The following SFXN5 variants were observed in gnomAD, a reference collection of about 807,000 sequenced individuals.
SFXN5 encodes the protein sideroflexin-5.
A neutral mutation model predicts 50.2 loss-of-function variants in SFXN5; 43 were observed. The observed-to-expected ratio is 0.86, with a 90% CI of 0.67 to 1.11. The LOEUF (loss-of-function observed/expected upper bound fraction) is 1.11, where lower values mean the gene tolerates loss of function less well. SFXN5 is among the 50% of genes least tolerant of loss of function. The pLI, the probability that SFXN5 is intolerant of heterozygous loss-of-function variation, is 0.00. For synonymous variants in SFXN5, 203 were observed against 185.8 expected (o/e 1.09, Z -0.75); for missense variants, 463 against 454.1 (o/e 1.02, Z -0.18).
At chr2:72,993,862 C>G (rs1436599625) in intron 9 of SFXN5, among the ~76,000 whole-genome samples, 1 of 152,160 alleles carries the variant, frequency 6.6e-6, no homozygotes, top group East Asian at 1.9e-4. Flanking sequence ...GGGCCAGGGA[C>G]AAATATATGC....
intron 9 of SFXN5, among the ~76,000 whole-genome samples, chr2:72,990,894 G>C (rs1008479426): frequency 6.6e-6 from 1 of 152,184 alleles, no homozygotes; most frequent in East Asian, 1.9e-4. Context: ...GGGTCCTAAC[G>C]AGTGGAAAAC....
chr2:73,003,089 C>G (rs575913227), intron 6 of SFXN5, among the ~76,000 whole-genome samples: 5 of 152,070 alleles, frequency 3.3e-5, no homozygotes, highest in Admixed American at 3.3e-4. Flanking sequence ...GTAGTTGGGG[C>G]CCCCAGTTAG....
At chr2:73,038,205 T>C (rs1441908389) in intron 3 of SFXN5, among the ~76,000 whole-genome samples, 1 of 152,266 alleles carries the variant, frequency 6.6e-6, no homozygotes, top group Non-Finnish European at 1.5e-5. Flanking sequence ...AGTATGTTAC[T>C]GTACTGAATA....
At chr2:72,994,026 G>C (rs1375334357) in intron 9 of SFXN5, among the ~76,000 whole-genome samples, 1 of 152,164 alleles carries the variant, frequency 6.6e-6, no homozygotes, top group African/African-American at 2.4e-5. Context: ...TGTCTGCCAG[G>C]AGGCGGCACG....
chr2:73,033,997 A>C (rs1436987858), intron 3 of SFXN5, among the ~76,000 whole-genome samples: 1 of 152,218 alleles, frequency 6.6e-6, no homozygotes, highest in Non-Finnish European at 1.5e-5. Context: ...GCCAAGTCTG[A>C]GAAACCCTGG....
intron 9 of SFXN5, among the ~76,000 whole-genome samples, chr2:72,990,082 A>ACAGCC (rs1327255958): frequency 6.6e-6 from 1 of 152,236 alleles, no homozygotes; most frequent in East Asian, 1.9e-4. Context: ...CAAGGCAGAA[A>ACAGCC]CAGCCCAGCC....
chr2:72,963,723 T>A (rs1674035662), intron 12 of SFXN5, among the ~76,000 whole-genome samples: 1 of 152,166 alleles, frequency 6.6e-6, no homozygotes, highest in African/African-American at 2.4e-5. Context: ...CCCAGCCTGG[T>A]GCCCCTGCTG....
intron 12 of SFXN5, among the ~76,000 whole-genome samples, chr2:72,963,673 C>A (rs775035766): frequency 6.6e-6 from 1 of 152,100 alleles, no homozygotes; most frequent in South Asian, 2.1e-4. Context: ...GCTGGGGGAG[C>A]GGACTCAGGG....
rs10582006 is a variant in SFXN5 at position 72,981,965 on chromosome 2, T to TTGTGTGTGTG, written c.625+6283_625+6292dup. ...CTTTATTGCCCTTATCACTGGAACT[T>TTGTGTGTGTG]TGTGTGTGTGTGTGTGTGTGTGTGT... On this transcript the variant is annotated intron_variant, in intron 10 of 13. Coordinates refer to ENST00000272433, the MANE Select transcript of SFXN5 (RefSeq NM_144579.3). Among the ~76,000 whole-genome samples the TTGTGTGTGTG allele has an allele frequency of 5.3e-3, 774 of 145,704 alleles. 2 individuals carry two copies. The highest frequency in any genetic ancestry group is 8.4e-3 in the African/African-American group (335 of 39,690).
intron 13 of SFXN5, among the ~76,000 whole-genome samples, chr2:72,954,486 A>G (rs951487489): frequency 9.9e-5 from 15 of 152,280 alleles, no homozygotes; most frequent in African/African-American, 3.6e-4. Context: ...CCTCCTGGCC[A>G]GTGAACCTCA....
chr2:73,001,649 C>T (rs1166306979), intron 6 of SFXN5, 71 bp from the exon 7 acceptor site: 58 of 1,444,928 alleles, frequency 4.0e-5, no homozygotes, highest in Non-Finnish European at 5.4e-5. Context: ...AGAAAAAATA[C>T]GCTACCACAA....
At chr2:73,067,452 T>G (rs1247344009) in intron 1 of SFXN5, among the ~76,000 whole-genome samples, 1 of 152,218 alleles carries the variant, frequency 6.6e-6, no homozygotes, top group East Asian at 1.9e-4. Flanking sequence ...CAATGTTAGT[T>G]TCTTAGTTTT....
intron 3 of SFXN5, among the ~76,000 whole-genome samples, chr2:73,024,514 C>T (rs1422825391): frequency 3.3e-5 from 5 of 152,108 alleles, no homozygotes; most frequent in Non-Finnish European, 7.4e-5. Flanking sequence ...ATTAGCAGGG[C>T]GTGGTGGAAT....
chr2:73,015,128 T>G (rs1675989662), intron 6 of SFXN5, among the ~76,000 whole-genome samples: 2 of 152,234 alleles, frequency 1.3e-5, no homozygotes, highest in Non-Finnish European at 2.9e-5. Context: ...GAAAGTTCCT[T>G]CTAGACCTAA....
chr2:73,043,855 C>A (rs1408078598), intron 2 of SFXN5, among the ~76,000 whole-genome samples: 1 of 152,172 alleles, frequency 6.6e-6, no homozygotes, highest in Non-Finnish European at 1.5e-5. Context: ...ACATAATACG[C>A]TTATCTACAA....
rs112056341 is a variant in SFXN5 at position 72,994,808 on chromosome 2, C to T, written c.534+4141G>A. On this transcript the variant is annotated intron_variant, in intron 9 of 13. Transcript: ENST00000272433. ...CACTCATGGCACCTCTTGACTGGCC[C>T]TGATCCTCCTCCACTCACGATCACC... 514 of 152,664 alleles carry T rather than the reference C, an allele frequency of 3.4e-3. 6 individuals are homozygous for T. Among genetic ancestry groups the T allele is most frequent in the African/African-American group, 9.9e-3 (411 of 41,522 alleles). 9.5% of individuals were successfully genotyped at this position (152,664 alleles called of 1,614,324 possible).
Position 72,992,197 on chromosome 2 carries a change from G to A in SFXN5, c.535-3849C>T, listed in dbSNP as rs1390021508. ...CTGACAGGAGACCAGGGGAAAAGGA[G>A]GGAAGGCCGGCTTCCTGATAGTCCC... On this transcript the variant is annotated intron_variant, in intron 9 of 13. Coordinates refer to ENST00000272433, the MANE Select transcript of SFXN5 (RefSeq NM_144579.3). This position sits in a 1 kb window ranked among gnomAD's most constrained non-coding sequence, Gnocchi z 4.5. Among the ~76,000 whole-genome samples, 1 of 152,214 alleles carries A rather than the reference G, an allele frequency of 6.6e-6. No homozygotes were observed. The highest frequency in any genetic ancestry group is 1.5e-5 in the Non-Finnish European group (1 of 68,048).
intron 2 of SFXN5, among the ~76,000 whole-genome samples, chr2:73,055,906 C>T (rs558712077): frequency 1.5e-4 from 23 of 152,304 alleles, no homozygotes; most frequent in African/African-American, 4.3e-4. Context: ...CGTCGGCCAC[C>T]GGGCCAGTGA....
intron 3 of SFXN5, among the ~76,000 whole-genome samples, chr2:73,023,713 C>T (rs563831070): frequency 1.1e-3 from 170 of 152,280 alleles, no homozygotes; most frequent in Admixed American, 4.4e-3. Context: ...ATAGCCATGC[C>T]TCTGACACAG....
Sources: gnomAD v4.1 joint callset for allele counts (sites outside exome capture counted in the v4.1 genomes callset) on GRCh38, gnomAD v4.1.1 for gene constraint, Gnocchi (gnomAD v3.1) non-coding constraint, MANE v1.5 for transcripts, NCBI Gene and HGNC (gene_info 2026-07-23, HGNC 2026-07-21) for gene names.